TFAP2D: variants seen among roughly 807,000 people sequenced by gnomAD.
TFAP2D encodes the protein transcription factor AP-2-delta.
TFAP2D carries 9 observed loss-of-function variants against 43.6 expected under a neutral mutation model. The ratio of observed to expected loss-of-function variants is 0.21; its 90% CI spans 0.12 to 0.36. TFAP2D has a LOEUF of 0.36. TFAP2D is among the 10% of genes least tolerant of loss of function. The pLI is 1.00. For missense variants in TFAP2D, 513 were observed against 561.4 expected, an observed-to-expected ratio of 0.91 and a Z score of 0.87; for synonymous variants, 256 against 224.9, an observed-to-expected ratio of 1.14 and a Z score of -1.24.
chr6:50,729,645 A>C (rs1768855578), intron 5 of TFAP2D, among the ~76,000 whole-genome samples: 1 of 152,178 alleles, frequency 6.6e-6, no homozygotes, highest in Non-Finnish European at 1.5e-5. Context: ...TCAGAGTTTA[A>C]GTGAATCTAA....
At chr6:50,727,521 C>G (rs1010479111) in intron 3 of TFAP2D, among the ~76,000 whole-genome samples, 21 of 152,156 alleles carry the variant, frequency 1.4e-4, no homozygotes, top group African/African-American at 5.1e-4. Flanking sequence ...ATCTGAGGCT[C>G]TCATTAAAAT....
intron 7 of TFAP2D, among the ~76,000 whole-genome samples, chr6:50,751,889 A>G (rs1195003710): frequency 6.6e-6 from 1 of 152,036 alleles, no homozygotes; most frequent in Non-Finnish European, 1.5e-5. Context: ...AAAATTTTAT[A>G]TCTTTATGCA....
intron 5 of TFAP2D, 94 bp from the exon 6 acceptor site, chr6:50,745,013 C>A: frequency 6.8e-7 from 1 of 1,462,612 alleles, no homozygotes; most frequent in Non-Finnish European, 9.2e-7. Context: ...TTTGTCTGAC[C>A]ACAGCCAGGA....
At position 50,741,901 on chromosome 6, in the gene TFAP2D, AG is replaced by A. The variant is rs149173775; in HGVS notation, c.884-3204del. On this transcript the variant is annotated intron_variant, in intron 5 of 7. Coordinates refer to ENST00000008391, the MANE Select transcript of TFAP2D (RefSeq NM_172238.4). The stretch of plus-strand genomic sequence containing the variant: ...TTTCCTGGATTGCTCTTTCCACCAC[AG>A]GTTCTTGCACTTCAGTTCATTGTTC... Among the ~76,000 whole-genome samples, 669 of 152,236 alleles carry A rather than the reference AG, an allele frequency of 4.4e-3. 6 individuals carry two copies. Among genetic ancestry groups the A allele is most frequent in the African/African-American group, 0.015 (636 of 41,562 alleles).
At chr6:50,768,271 T>G (rs1189454004) in intron 7 of TFAP2D, among the ~76,000 whole-genome samples, 2 of 141,974 alleles carry the variant, frequency 1.4e-5, no homozygotes, top group Non-Finnish European at 3.1e-5. Flanking sequence ...ATTTCTAATT[T>G]TCTTTTTTTT....
intron 7 of TFAP2D, among the ~76,000 whole-genome samples, chr6:50,771,972 G>A (rs1769535191): frequency 6.6e-6 from 1 of 152,132 alleles, no homozygotes; most frequent in South Asian, 2.1e-4. Flanking sequence ...ATTCACAATA[G>A]CAAAGACTTG....
intron 1 of TFAP2D, among the ~76,000 whole-genome samples, chr6:50,714,779 C>T (rs1768587111): frequency 6.6e-6 from 1 of 152,046 alleles, no homozygotes; most frequent in African/African-American, 2.4e-5. Context: ...CAACGCCAAG[C>T]TCCCTGCACA....
At chr6:50,742,453 G>A (rs1187780958) in intron 5 of TFAP2D, among the ~76,000 whole-genome samples, 2 of 152,110 alleles carry the variant, frequency 1.3e-5, no homozygotes, top group African/African-American at 2.4e-5. Flanking sequence ...AAATTCAAGA[G>A]GCGTGCTGCC....
chr6:50,721,894 T>C (rs1466335994), intron 3 of TFAP2D, among the ~76,000 whole-genome samples: 2 of 152,202 alleles, frequency 1.3e-5, no homozygotes, highest in Non-Finnish European at 2.9e-5. Context: ...CCCCAAATGA[T>C]GTTCTTGAAG....
chr6:50,750,343 T>G (rs147914561), intron 6 of TFAP2D, among the ~76,000 whole-genome samples: 3 of 151,986 alleles, frequency 2.0e-5, no homozygotes, highest in African/African-American at 4.8e-5. Flanking sequence ...TATCCCTTGA[T>G]TTATGGAGTC....
In TFAP2D at chr6:50,728,773, A is replaced by G. The variant is rs1768843175; in HGVS notation, c.599-83A>G. On this transcript the variant is annotated intron_variant, in intron 3 of 7. Transcript: ENST00000008391. The stretch of plus-strand genomic sequence containing the variant: ...GTTAGCATGTATTCCCAAATCCAGA[A>G]TAGTCTTTTGATGTTAACTGCCTCT... 5 of 1,392,090 alleles carry G rather than the reference A, an allele frequency of 3.6e-6. No homozygotes were observed. In the African/African-American group the frequency reaches 7.1e-5, roughly 20 times the overall value. 86.2% of individuals were successfully genotyped at this position (1,392,090 alleles called of 1,614,324 possible).
At position 50,731,978 on chromosome 6, in the gene TFAP2D, A is replaced by C. The variant is rs139366475; in HGVS notation, c.883+2666A>C. Among the ~76,000 whole-genome samples, 1,013 of 152,150 alleles carry C rather than the reference A, an allele frequency of 6.7e-3. 8 individuals carry two copies. Among genetic ancestry groups the C allele is most frequent in the African/African-American group, 0.023 (972 of 41,542 alleles). On this transcript the variant is annotated intron_variant, in intron 5 of 7. Coordinates refer to ENST00000008391, the MANE Select transcript of TFAP2D (RefSeq NM_172238.4). The stretch of plus-strand genomic sequence containing the variant: ...TGGCAACTTGATCCAACATGGGTCT[A>C]ATGTTTGTTCCATTTCTACAGTTTT...
rs1465634290 is a variant in TFAP2D, at chr6:50,769,283, A to G, written c.1140-3362A>G. ...ATGTTATACTCTTAAATTGAAGCTT[A>G]GAGTTGGAAAGAACCTAGCAGATGT... On this transcript the variant is annotated intron_variant, in intron 7 of 7. Coordinates refer to ENST00000008391, the MANE Select transcript of TFAP2D (RefSeq NM_172238.4). Among the ~76,000 whole-genome samples, 3 of 152,330 alleles carry G rather than the reference A, an allele frequency of 2.0e-5. No individual in the cohort carries two copies. In the East Asian group the frequency reaches 5.8e-4, roughly 29 times the overall value.
At chr6:50,753,859 C>T (rs1769230553) in intron 7 of TFAP2D, among the ~76,000 whole-genome samples, 2 of 151,566 alleles carry the variant, frequency 1.3e-5, no homozygotes, top group South Asian at 4.2e-4. Flanking sequence ...TAATTGTAGT[C>T]AAAATTATTT....
At chr6:50,743,802 G>C (rs528716870) in intron 5 of TFAP2D, among the ~76,000 whole-genome samples, 1 of 151,456 alleles carries the variant, frequency 6.6e-6, no homozygotes, top group Non-Finnish European at 1.5e-5. Context: ...ATTATATACT[G>C]TCACCATAAT....
intron 5 of TFAP2D, among the ~76,000 whole-genome samples, chr6:50,732,162 T>C (rs1283382001): frequency 6.6e-6 from 1 of 152,090 alleles, no homozygotes; most frequent in Non-Finnish European, 1.5e-5. Flanking sequence ...ACTAGATTTT[T>C]AGTATCTAAA....
intron 5 of TFAP2D, among the ~76,000 whole-genome samples, chr6:50,734,182 T>C (rs999059364): frequency 1.3e-5 from 2 of 152,056 alleles, no homozygotes; most frequent in African/African-American, 4.8e-5. Flanking sequence ...AGACCCTATC[T>C]TGGACATCTT....
intron 7 of TFAP2D, among the ~76,000 whole-genome samples, chr6:50,765,402 T>G (rs890335665): frequency 6.6e-6 from 1 of 152,248 alleles, no homozygotes; most frequent in African/African-American, 2.4e-5. Flanking sequence ...TGCAGGATCA[T>G]GTTGTCATTC....
At chr6:50,753,178 G>A (rs1769222208) in intron 7 of TFAP2D, among the ~76,000 whole-genome samples, 1 of 151,876 alleles carries the variant, frequency 6.6e-6, no homozygotes, top group South Asian at 2.1e-4. Context: ...TTAAAGAAGT[G>A]TGTTAAATGA....
Sources: allele counts gnomAD v4.1 joint callset (sites outside exome capture counted in the v4.1 genomes callset), GRCh38; gene constraint gnomAD v4.1.1; transcripts MANE v1.5; gene names NCBI Gene and HGNC (gene_info 2026-07-23, HGNC 2026-07-21).